ZNF487: variants seen among roughly 807,000 people sequenced by gnomAD.
ZNF487 encodes the protein zinc finger protein 487, also known as KRAB domain only 1.
A neutral mutation model predicts 3.0 loss-of-function variants in ZNF487; 4 were observed. That is an observed-to-expected ratio of 1.35 (90% confidence interval 0.66 to 3.08). ZNF487 has a LOEUF of 3.08. ZNF487 is among the 30% of genes most tolerant of loss of function. The probability of loss-of-function intolerance (pLI) is 0.01; values close to 1 mark genes in which losing one functional copy is unlikely to be tolerated. For synonymous variants in ZNF487, 55 were observed against 34.6 expected (o/e 1.59, Z -2.06); for missense variants, 146 against 98.7 (o/e 1.48, Z -2.03).
At chr10:43,475,586 A>G (rs2132135528) in intron 1 of ZNF487, 135 bp from the exon 2 acceptor site, 1 of 656,658 alleles carries the variant, frequency 1.5e-6, no homozygotes, top group East Asian at 2.7e-5. Flanking sequence ...AATGTATAAT[A>G]TCAATAGTAG....
At chr10:43,446,324 G>A (rs1280455731) in intron 1 of ZNF487, among the ~76,000 whole-genome samples, 4 of 151,682 alleles carry the variant, frequency 2.6e-5, no homozygotes, top group Non-Finnish European at 5.9e-5. Flanking sequence ...CCTCCCAGAC[G>A]GGGTGGCCGG....
At chr10:43,441,527 A>T (rs1207869216) in intron 1 of ZNF487, among the ~76,000 whole-genome samples, 1 of 151,834 alleles carries the variant, frequency 6.6e-6, no homozygotes, top group Non-Finnish European at 1.5e-5. Flanking sequence ...TCGGCCTCCT[A>T]AAGTTCTGGG....
At chr10:43,507,469 C>T in the ZNF487 span, among the ~76,000 whole-genome samples, 19 of 152,276 alleles carry the variant, frequency 1.2e-4, no homozygotes, top group Middle Eastern at 3.4e-3. Flanking sequence ...TTCTGTTCAG[C>T]GTGCTCTCCT....
chr10:43,498,681 G>A, the ZNF487 span, among the ~76,000 whole-genome samples: 7 of 151,904 alleles, frequency 4.6e-5, no homozygotes, highest in Non-Finnish European at 7.4e-5. Context: ...AGTGGCTCAC[G>A]CCTGTAATCC....
At chr10:43,480,879 T>C (rs1841326979) in intron 3 of ZNF487, among the ~76,000 whole-genome samples, 1 of 152,208 alleles carries the variant, frequency 6.6e-6, no homozygotes, top group Non-Finnish European at 1.5e-5. Context: ...CTGTAGACTC[T>C]AATAATTACA....
chr10:43,437,021 G>C (rs1434426814), upstream of ZNF487: 3 of 367,406 alleles, frequency 8.2e-6, no homozygotes, highest in Non-Finnish European at 1.7e-5. Flanking sequence ...CTAGGCACGC[G>C]GGAGCAGCAA....
the ZNF487 span, among the ~76,000 whole-genome samples, chr10:43,511,839 C>A: frequency 6.6e-6 from 1 of 152,284 alleles, no homozygotes; most frequent in East Asian, 1.9e-4. Flanking sequence ...TGTTGGTGAG[C>A]ACTCACATGG....
At chr10:43,511,238 C>T in the ZNF487 span, among the ~76,000 whole-genome samples, 1 of 152,224 alleles carries the variant, frequency 6.6e-6, no homozygotes, top group Admixed American at 6.5e-5. Context: ...GGCCATTCCA[C>T]TGTTCTGTCA....
intron 1 of ZNF487, among the ~76,000 whole-genome samples, chr10:43,447,211 G>A (rs894087953): frequency 6.6e-6 from 1 of 151,878 alleles, no homozygotes; most frequent in African/African-American, 2.4e-5. Context: ...CGTGGAAAGC[G>A]GGAGACGGAG....
the ZNF487 span, among the ~76,000 whole-genome samples, chr10:43,514,437 G>A: frequency 6.6e-6 from 1 of 152,172 alleles, no homozygotes; most frequent in Non-Finnish European, 1.5e-5. Context: ...CACTGTGCTG[G>A]CTGATTCTCT....
chr10:43,499,498 C>G, the ZNF487 span, among the ~76,000 whole-genome samples: 2 of 152,196 alleles, frequency 1.3e-5, no homozygotes, highest in South Asian at 4.1e-4. Flanking sequence ...CTCACTCAAG[C>G]CTTGACCTTC....
chr10:43,456,356 C>T (rs1840201890), intron 1 of ZNF487, among the ~76,000 whole-genome samples: 1 of 152,128 alleles, frequency 6.6e-6, no homozygotes, highest in South Asian at 2.1e-4. Context: ...CAGCGGAAGA[C>T]GAGGCTGAGG....
At chr10:43,472,921 C>T (rs951431862) in intron 1 of ZNF487, among the ~76,000 whole-genome samples, 3 of 151,164 alleles carry the variant, frequency 2.0e-5, no homozygotes. Flanking sequence ...TGGCTCATGC[C>T]TGTAATCCAA....
chr10:43,450,375 C>T (rs1202397749), intron 1 of ZNF487, among the ~76,000 whole-genome samples: 3 of 148,244 alleles, frequency 2.0e-5, no homozygotes, highest in African/African-American at 5.0e-5. Context: ...TTTTTTGAGA[C>T]GGAGTCTCAC....
chr10:43,514,941 C>T, the ZNF487 span, among the ~76,000 whole-genome samples: 1 of 152,204 alleles, frequency 6.6e-6, no homozygotes, highest in African/African-American at 2.4e-5. Context: ...ATCCCTTCCT[C>T]TACGTTAAAC....
intron 1 of ZNF487, among the ~76,000 whole-genome samples, chr10:43,451,198 G>A (rs187902925): frequency 9.3e-5 from 14 of 151,350 alleles, no homozygotes; most frequent in African/African-American, 1.9e-4. Flanking sequence ...CGCTTGCCTC[G>A]GCCTTCCAAA....
downstream of ZNF487, among the ~76,000 whole-genome samples, chr10:43,487,559 C>T (rs1015582303): frequency 2.6e-5 from 4 of 151,816 alleles, no homozygotes; most frequent in African/African-American, 9.7e-5. Context: ...AGGAAATTCG[C>T]CTGCCTCAGC....
chr10:43,437,003 AG>A (rs1264952441), upstream of ZNF487: 9 of 395,694 alleles, frequency 2.3e-5, no homozygotes, highest in East Asian at 1.0e-3. Context: ...CATAGGGCCG[AG>A]CCCCCGCTAG....
intron 1 of ZNF487, among the ~76,000 whole-genome samples, chr10:43,463,786 G>GA (rs1840532058): frequency 6.7e-6 from 1 of 148,616 alleles, no homozygotes; most frequent in African/African-American, 2.5e-5. Context: ...CCCTATTTCA[G>GA]ACTTTTTTTT....
Sources: gnomAD v4.1 joint callset for allele counts (sites outside exome capture counted in the v4.1 genomes callset) on GRCh38, gnomAD v4.1.1 for gene constraint, MANE v1.5 for transcripts, NCBI Gene and HGNC (gene_info 2026-07-23, HGNC 2026-07-21) for gene names.